Variants in MAST2 observed in about 807,000 individuals in gnomAD.
MAST2 encodes the protein microtubule-associated serine/threonine-protein kinase 2.
In MAST2, 70 loss-of-function variants were observed where a neutral mutation model predicts 147.4. The ratio of observed to expected loss-of-function variants is 0.47; its 90% CI spans 0.39 to 0.58. The LOEUF is 0.58. Ranked by LOEUF, MAST2 falls within the 20% of genes least tolerant of loss-of-function variation. The probability of loss-of-function intolerance (pLI) is 0.00; values close to 1 mark genes in which losing one functional copy is unlikely to be tolerated. For synonymous variants in MAST2, 869 were observed against 896.8 expected (o/e 0.97, Z 0.55); for missense variants, 2,080 against 2,302.3 (o/e 0.90, Z 1.98).
chr1:45,965,368 G>A, intron 5 of MAST2, among the ~76,000 whole-genome samples: 1 of 152,138 alleles, frequency 6.6e-6, no homozygotes, highest in East Asian at 1.9e-4. Flanking sequence ...CTCTTTGTAA[G>A]TCTCTAAGTT....
chr1:46,035,582 C>T lies in MAST2; in HGVS notation c.4913C>T (p.Thr1638Ile). The T allele has an allele frequency of 6.2e-7, 1 of 1,613,726 alleles. No individual in the cohort carries two copies. The highest frequency in any genetic ancestry group is 2.2e-5 in the East Asian group (1 of 44,856). ...CTTTCTCCCAGCACTTCGGGACTCACCCCCACCAGCAGTTGCTCTCCTCCC... is the reference window on the plus strand; with the variant it reads ...CTTTCTCCCAGCACTTCGGGACTCATCCCCACCAGCAGTTGCTCTCCTCCC... ...TALSPSTSGL[T>I]PTSSCSPPSS... Residue 1638 changes from threonine to isoleucine, a missense_variant, in exon 29 of 29, where the codon ACC becomes ATC. Coordinates refer to ENST00000361297, the MANE Select transcript of MAST2 (RefSeq NM_015112.3). This position sits in a 1 kb window ranked among gnomAD's most constrained non-coding sequence, Gnocchi z 5.5.
At chr1:45,971,518 C>T (rs1234254918) in intron 5 of MAST2, among the ~76,000 whole-genome samples, 3 of 152,140 alleles carry the variant, frequency 2.0e-5, no homozygotes, top group South Asian at 4.1e-4. Context: ...ATCCACGTTC[C>T]CACACCACTG....
intron 3 of MAST2, chr1:45,865,150 G>GAAA (rs951462647): frequency 2.2e-6 from 1 of 455,994 alleles, no homozygotes; most frequent in African/African-American, 2.0e-5. Context: ...GTGAGTAAAA[G>GAAA]AAAACCTTTT....
At chr1:46,013,564 C>T (rs1468982046) in intron 10 of MAST2, among the ~76,000 whole-genome samples, 1 of 152,000 alleles carries the variant, frequency 6.6e-6, no homozygotes, top group African/African-American at 2.4e-5. Context: ...CCTGTAATCC[C>T]AGCCGCTCGG....
intron 4 of MAST2, among the ~76,000 whole-genome samples, chr1:45,888,739 T>A (rs1647219604): frequency 7.7e-6 from 1 of 129,538 alleles, no homozygotes; most frequent in Admixed American, 9.2e-5. Flanking sequence ...TGGAGTGCAA[T>A]GGCACAATCT....
At chr1:45,912,224 G>A (rs1021034587) in intron 4 of MAST2, among the ~76,000 whole-genome samples, 1 of 152,108 alleles carries the variant, frequency 6.6e-6, no homozygotes, top group African/African-American at 2.4e-5. Context: ...AGGTGGGTGA[G>A]TTTGCTTGGG....
At chr1:45,821,271 T>C (rs759601094) in intron 1 of MAST2, among the ~76,000 whole-genome samples, 1 of 152,172 alleles carries the variant, frequency 6.6e-6, no homozygotes, top group Non-Finnish European at 1.5e-5. Flanking sequence ...TACTCACTTC[T>C]GGACTCCACA....
intron 3 of MAST2, among the ~76,000 whole-genome samples, chr1:45,863,788 A>G (rs946004580): frequency 6.6e-6 from 1 of 152,220 alleles, no homozygotes; most frequent in African/African-American, 2.4e-5. Context: ...CTGTCAAATT[A>G]GGGAATTTGG....
chr1:45,999,922 G>A (rs910641206), intron 6 of MAST2, among the ~76,000 whole-genome samples: 4 of 152,144 alleles, frequency 2.6e-5, no homozygotes, highest in Admixed American at 6.5e-5. Flanking sequence ...GTGTCCTGGC[G>A]GGAAGACAAA....
intron 4 of MAST2, among the ~76,000 whole-genome samples, chr1:45,924,214 C>G (rs1233015277): frequency 1.3e-5 from 2 of 152,090 alleles, no homozygotes; most frequent in Non-Finnish European, 2.9e-5. Context: ...CCATTTTACC[C>G]CTGCTCATTA....
chr1:45,843,384 A>G (rs1438413653), intron 3 of MAST2, among the ~76,000 whole-genome samples: 1 of 152,156 alleles, frequency 6.6e-6, no homozygotes, highest in East Asian at 1.9e-4. Flanking sequence ...GTTTTCTTCT[A>G]TGAATTTTAT....
At chr1:45,936,847 A>G (rs1656274730) in intron 4 of MAST2, among the ~76,000 whole-genome samples, 1 of 152,118 alleles carries the variant, frequency 6.6e-6, no homozygotes, top group South Asian at 2.1e-4. Flanking sequence ...AAAGCCCCCT[A>G]AGTACCTCAG....
At position 46,022,096 on chromosome 1, in the gene MAST2, C is replaced by G. The variant is rs2149290332; in HGVS notation, c.1423+14C>G. ...ATCCCCTAGAAGGTGAGCATGCTGC[C>G]TAGTGGCTGCAAAGAGGCCCCACTG... On this transcript the variant is annotated intron_variant, in intron 12 of 28. Coordinates refer to ENST00000361297, the MANE Select transcript of MAST2 (RefSeq NM_015112.3). 6.2e-7 allele frequency: 1 copy of G among 1,613,490 alleles called. No individual in the cohort carries two copies. The highest frequency in any genetic ancestry group is 1.1e-5 in the South Asian group (1 of 91,000).
intron 3 of MAST2, chr1:45,847,201 G>T (rs1040808093): frequency 1.9e-6 from 1 of 526,678 alleles, no homozygotes; most frequent in South Asian, 1.4e-5. Context: ...CTTGCATTTA[G>T]AATGTCTGGA....
At chr1:45,939,989 T>TTTTGTTTGTTTTGTTTTTTTTG (rs776892902) in intron 4 of MAST2, among the ~76,000 whole-genome samples, 1 of 128,880 alleles carries the variant, frequency 7.8e-6, no homozygotes. Context: ...GGTTTTTTTT[T>TTTTGTTTGTTTTGTTTTTTTTG]TTTTTTTTTT....
chr1:45,894,744 T>C (rs1648451702), intron 4 of MAST2, among the ~76,000 whole-genome samples: 1 of 152,224 alleles, frequency 6.6e-6, no homozygotes, highest in Non-Finnish European at 1.5e-5. Flanking sequence ...CTTCATACTC[T>C]GGAACAGACT....
chr1:45,926,371 T>G (rs951170599), intron 4 of MAST2, among the ~76,000 whole-genome samples: 6 of 152,222 alleles, frequency 3.9e-5, no homozygotes, highest in Admixed American at 6.5e-5. Context: ...CTTCCATTAC[T>G]TTTTTCTTTG....
intron 4 of MAST2, among the ~76,000 whole-genome samples, chr1:45,943,651 C>G (rs1046930113): frequency 6.6e-6 from 1 of 152,132 alleles, no homozygotes; most frequent in African/African-American, 2.4e-5. Flanking sequence ...AAGGCTGAGG[C>G]AGGAGAATCG....
At chr1:45,839,902 A>G (rs908903854) in intron 3 of MAST2, among the ~76,000 whole-genome samples, 1 of 152,352 alleles carries the variant, frequency 6.6e-6, no homozygotes, top group South Asian at 2.1e-4. Flanking sequence ...TTCATAACAA[A>G]TGGTGTTGAA....
Sources: allele counts gnomAD v4.1 joint callset (sites outside exome capture counted in the v4.1 genomes callset), GRCh38; gene constraint gnomAD v4.1.1; non-coding constraint Gnocchi (gnomAD v3.1); transcripts MANE v1.5; gene names NCBI Gene and HGNC (gene_info 2026-07-23, HGNC 2026-07-21).